Variants in XPA observed in about 807,000 individuals in gnomAD.
The protein encoded by XPA is XPA, DNA damage recognition and repair factor, also known as DNA repair protein complementing XP-A cells.
Under a neutral mutation model 35.7 loss-of-function variants are expected in XPA, and 27 were observed. That is an observed-to-expected ratio of 0.76 (90% CI 0.56 to 1.04). The LOEUF is 1.04. XPA is among the 50% of genes least tolerant of loss of function. XPA has a pLI of 0.00. For missense variants in XPA, 354 were observed against 342.7 expected (o/e 1.03, Z -0.26); for synonymous variants, 133 against 118.4 (o/e 1.12, Z -0.80).
At chr9:97,670,211 C>A, downstream of XPA, 1 of 196,572 alleles carries the variant, frequency 5.1e-6, no homozygotes. Context: ...AGCCACGGTG[C>A]CCAGTCTCCT....
chr9:97,669,419 A>G, the XPA span, among the ~76,000 whole-genome samples: 8 of 152,336 alleles, frequency 5.3e-5, no homozygotes, highest in Non-Finnish European at 1.0e-4. Flanking sequence ...GTACCAACTC[A>G]TGTTATTACC....
chr9:97,692,896 C>T (rs1341997627), intron 2 of XPA, among the ~76,000 whole-genome samples: 2 of 152,114 alleles, frequency 1.3e-5, no homozygotes, highest in East Asian at 1.9e-4. Flanking sequence ...TCCACAAAAC[C>T]AGTCCCTGAT....
At chr9:97,656,277 T>G in the XPA span, among the ~76,000 whole-genome samples, 1 of 152,202 alleles carries the variant, frequency 6.6e-6, no homozygotes, top group East Asian at 1.9e-4. Context: ...TTTAAGCCAA[T>G]AAGTTCTTTT....
At position 97,697,124 on chromosome 9, in the gene XPA, C is replaced by T. The variant is rs558921404; in HGVS notation, c.169G>A (p.Gly57Arg). 2.2e-5 allele frequency: 34 copies of T among 1,547,658 alleles called. No homozygotes were observed. In the South Asian group the frequency reaches 4.0e-4, roughly 18 times the overall value. ...PYSATAAAAT[G>R]GMANVKAAPK... ...AAAGCGCGGACGCGGCCCAAACCTC[C>T]AGTAGCCGCAGCCGCCGTCGCCGAG... The change falls in exon 1 of 6, where the codon GGA (glycine) becomes AGA (arginine). Residue 57 changes from glycine (G) to arginine (R), a missense_variant. Transcript: ENST00000375128.
At chr9:97,664,296 T>G in the XPA span, 1 of 1,233,862 alleles carries the variant, frequency 8.1e-7, no homozygotes, top group South Asian at 1.2e-5. Flanking sequence ...TATATGTGTG[T>G]GTATGTGTGT....
chr9:97,676,892 CAT>C (rs1486878562), intron 5 of XPA, among the ~76,000 whole-genome samples: 1 of 152,190 alleles, frequency 6.6e-6, no homozygotes, highest in African/African-American at 2.4e-5. Flanking sequence ...AGCATCCTCT[CAT>C]ATTCTGAAGA....
downstream of XPA, chr9:97,671,034 A>T (rs1828175091): frequency 8.3e-6 from 10 of 1,211,706 alleles, no homozygotes; most frequent in South Asian, 1.2e-4. Context: ...GTTCCACAAG[A>T]TTGCTTATAT....
Position 97,687,169 on chromosome 9 carries a change from G to C in XPA, c.482C>G (p.Pro161Arg). 6.2e-7 allele frequency: 1 copy of C among 1,612,472 alleles called. No homozygotes were observed. Among genetic ancestry groups the C allele is most frequent in the Non-Finnish European group, 8.5e-7 (1 of 1,179,598 alleles). The part of the protein sequence containing the change: ...KDCDLEKREP[P>R]LKFIVKKNPH... ...ATTCTTCTTCACAATAAATTTAAGA[G>C]GTGGCTCTCTTTTTTCTAAATCACA... Residue 161 changes from proline to arginine, a missense_variant, in exon 4 of 6, where the codon CCT becomes CGT. Physicochemically the swap from Pro to Arg is moderately radical, Grantham distance 103 (BLOSUM62 -2). Coordinates refer to ENST00000375128, the MANE Select transcript of XPA (RefSeq NM_000380.4).
intron 5 of XPA, among the ~76,000 whole-genome samples, chr9:97,676,148 C>T (rs750966230): frequency 3.3e-5 from 5 of 152,124 alleles, no homozygotes; most frequent in Non-Finnish European, 7.4e-5. Flanking sequence ...AAGATGACAG[C>T]ATTATTTTAG....
At chr9:97,677,452 T>C (rs1013862663) in intron 5 of XPA, among the ~76,000 whole-genome samples, 5 of 152,058 alleles carry the variant, frequency 3.3e-5, no homozygotes, top group Non-Finnish European at 5.9e-5. Context: ...TTGGGAGGAT[T>C]ACCTGAGCCT....
chr9:97,657,875 G>A, the XPA span, among the ~76,000 whole-genome samples: 1 of 141,302 alleles, frequency 7.1e-6, no homozygotes, highest in Non-Finnish European at 1.5e-5. Context: ...TACATGAGGA[G>A]CCCCGGTAAG....
At chr9:97,683,110 T>C (rs1828595793) in intron 5 of XPA, among the ~76,000 whole-genome samples, 1 of 152,204 alleles carries the variant, frequency 6.6e-6, no homozygotes, top group African/African-American at 2.4e-5. Flanking sequence ...TATTATTATC[T>C]GCACCAAAAT....
At chr9:97,664,137 C>G in the XPA span, among the ~76,000 whole-genome samples, 2 of 152,016 alleles carry the variant, frequency 1.3e-5, no homozygotes, top group African/African-American at 4.8e-5. Flanking sequence ...TGAGATCGTG[C>G]CACTCCACTC....
intron 4 of XPA, among the ~76,000 whole-genome samples, chr9:97,686,011 T>C (rs1302093771): frequency 2.0e-5 from 3 of 152,192 alleles, no homozygotes; most frequent in African/African-American, 4.8e-5. Flanking sequence ...AGAAAGCATA[T>C]GTTGATTTTA....
At chr9:97,676,944 C>T (rs1039976952) in intron 5 of XPA, among the ~76,000 whole-genome samples, 5 of 152,118 alleles carry the variant, frequency 3.3e-5, no homozygotes, top group African/African-American at 1.2e-4. Flanking sequence ...TGCCCTCCTT[C>T]CTTTAAATTT....
chr9:97,668,464 G>A, the XPA span, among the ~76,000 whole-genome samples: 5 of 152,128 alleles, frequency 3.3e-5, no homozygotes, highest in Admixed American at 1.3e-4. Context: ...GAGCAGCCTT[G>A]GCCCATAGGA....
At position 97,675,502 on chromosome 9, in the gene XPA, T is replaced by A. The variant is rs531005089; in HGVS notation, c.759A>T (p.Glu253Asp). ...TACAAGTCTTACGGTACATGTCATCTTCTAGGTTTTCTTCTGGTCCATACT... is the reference window on the plus strand; with the variant it reads ...TACAAGTCTTACGGTACATGTCATCATCTAGGTTTTCTTCTGGTCCATACT... Reference protein sequence around the residue: ...QHEYGPEENLEDDMYRKTCTM... With the variant: ...QHEYGPEENLDDDMYRKTCTM... Residue 253 changes from glutamate (E) to aspartate (D), a missense_variant, in exon 6 of 6, where the codon GAA becomes GAT. Physicochemically the swap from Glu to Asp is conservative, Grantham distance 45. Coordinates refer to ENST00000375128, the MANE Select transcript of XPA (RefSeq NM_000380.4). The A allele has an allele frequency of 6.2e-6, 10 of 1,614,032 alleles. No individual in the cohort carries two copies. Among genetic ancestry groups the A allele is most frequent in the African/African-American group, 2.7e-5 (2 of 75,040 alleles).
At chr9:97,664,205 A>G in the XPA span, 2 of 537,520 alleles carry the variant, frequency 3.7e-6, no homozygotes, top group East Asian at 6.0e-5. Context: ...GGTCAGATTG[A>G]TCAATCAATT....
chr9:97,672,550 G>A (rs890654927), downstream of XPA: 23 of 152,126 alleles, frequency 1.5e-4, no homozygotes, highest in African/African-American at 5.1e-4. Context: ...AAATGTTTTC[G>A]TTTATACTGT....
Sources: gnomAD v4.1 joint callset for allele counts (sites outside exome capture counted in the v4.1 genomes callset) on GRCh38, gnomAD v4.1.1 for gene constraint, MANE v1.5 for transcripts, NCBI Gene and HGNC (gene_info 2026-07-23, HGNC 2026-07-21) for gene names.